HMGN1: variants seen among roughly 807,000 people sequenced by gnomAD.
HMGN1 encodes the protein high mobility group nucleosome binding domain 1.
Under a neutral mutation model 18.4 loss-of-function variants are expected in HMGN1, and 9 were observed. That is an observed-to-expected ratio of 0.49 (90% confidence interval 0.29 to 0.85). The LOEUF is 0.85. Among genes scored for constraint, HMGN1 ranks in the 40% least tolerant of loss-of-function variants. The pLI is 0.07. For missense variants in HMGN1, 151 were observed against 119.2 expected, an observed-to-expected ratio of 1.27 and a Z score of -1.24; for synonymous variants, 59 against 45.0, an observed-to-expected ratio of 1.31 and a Z score of -1.24.
intron 4 of HMGN1, chr21:39,345,878 G>C: frequency 7.7e-7 from 1 of 1,303,112 alleles, no homozygotes; most frequent in Non-Finnish European, 1.0e-6. Flanking sequence ...TCCTGCTACA[G>C]TTAATCCCTT....
Position 39,342,720 on chromosome 21 carries a change from A to G in HMGN1, c.*392T>C, listed in dbSNP as rs9977317. The G allele has an allele frequency of 0.1, 40,379 of 398,926 alleles. 2,342 individuals are homozygous for G. Among genetic ancestry groups the G allele is most frequent in the Non-Finnish European group, 0.12 (26,234 of 226,690 alleles). 24.7% of individuals were successfully genotyped at this position (398,926 alleles called of 1,614,324 possible). ...GGAAACAATTCTACTAAAAAACAAC[A>G]TGGTAATAGAAGTAATTTAAAATGT... On this transcript the variant is annotated 3_prime_UTR_variant, in exon 6 of 6. Coordinates refer to ENST00000380749, the MANE Select transcript of HMGN1 (RefSeq NM_004965.7).
chr21:39,344,460 A>G (rs1324040304), intron 5 of HMGN1: 2 of 152,278 alleles, frequency 1.3e-5, no homozygotes, highest in East Asian at 3.9e-4. Context: ...TAGCTTAGCT[A>G]ATATAACAAA....
chr21:39,347,502 A>C (rs747700003), intron 4 of HMGN1: 2 of 1,173,340 alleles, frequency 1.7e-6, no homozygotes, highest in Non-Finnish European at 2.3e-6. Flanking sequence ...AAAGAGGTGA[A>C]GGCATTAACA....
intron 4 of HMGN1, 177 bp from the exon 5 acceptor site, chr21:39,345,451 A>G (rs2037018490): frequency 4.7e-6 from 3 of 632,586 alleles, no homozygotes; most frequent in Non-Finnish European, 8.2e-6. Context: ...CAAGCTTATG[A>G]AAGGATCTCA....
rs1158185202 is a variant in HMGN1, at chr21:39,342,879, T to G, written c.*233A>C. 1 of 1,408,088 alleles carries G rather than the reference T, an allele frequency of 7.1e-7. No individual in the cohort carries two copies. Among genetic ancestry groups the G allele is most frequent in the Non-Finnish European group, 9.6e-7 (1 of 1,045,972 alleles). The allele number at this position is 1,408,088 out of a possible 1,614,324, so 87.2% of individuals were successfully genotyped here. A position where few individuals can be genotyped will look rare whatever the true frequency, so the allele number is the denominator to read the frequency against. ...ACAGTCAGAGCCTCCCATAATTCAA[T>G]ATCCCACACTATTTTCTGGTTGTAC... is the stretch of plus-strand genomic sequence containing the variant. On this transcript the variant is annotated 3_prime_UTR_variant, in exon 6 of 6. Transcript: ENST00000380749.
intron 4 of HMGN1, chr21:39,345,725 C>T (rs1216135418): frequency 7.1e-6 from 5 of 700,310 alleles, no homozygotes; most frequent in African/African-American, 1.8e-5. Context: ...AAGTTGAATA[C>T]CGGAGGAGTC....
intron 4 of HMGN1, chr21:39,347,911 C>T (rs997401016): frequency 1.0e-5 from 10 of 969,940 alleles, no homozygotes; most frequent in Non-Finnish European, 1.2e-5. Context: ...TATATAAAAA[C>T]TTACACGTTC....
chr21:39,345,196 C>G lies in HMGN1; in HGVS notation c.205G>C (p.Glu69Gln). Residue 69 changes from glutamate (E) to glutamine (Q), a missense_variant, in exon 5 of 6, where the codon GAA (glutamate) becomes CAA (glutamine). By Grantham distance (29) the Glu-to-Gln change is conservative. Coordinates refer to ENST00000380749, the MANE Select transcript of HMGN1 (RefSeq NM_004965.7). ...TCCGCAGGTAAGTCTTCTTTAGTTTCTTGGTTAGCCACTTCGGCCTGTTTT... is the reference window on the plus strand; with the variant it reads ...TCCGCAGGTAAGTCTTCTTTAGTTTGTTGGTTAGCCACTTCGGCCTGTTTT... ...KGKQAEVANQETKEDLPAENG... is the reference protein window; with the variant it reads ...KGKQAEVANQQTKEDLPAENG... The G allele has an allele frequency of 3.7e-6, 6 of 1,613,278 alleles. No individual in the cohort carries two copies. Among genetic ancestry groups the G allele is most frequent in the Non-Finnish European group, 5.1e-6 (6 of 1,179,878 alleles).
At chr21:39,347,536 T>C (rs1425936276) in intron 4 of HMGN1, 2 of 599,440 alleles carry the variant, frequency 3.3e-6, no homozygotes, top group Admixed American at 2.4e-5. Context: ...AGACTTCAAA[T>C]AGCAAACTCT....
At chr21:39,348,185 T>C in intron 4 of HMGN1, 107 bp downstream of exon 4, 1 of 1,386,332 alleles carries the variant, frequency 7.2e-7, no homozygotes. Context: ...ACCGTAATTA[T>C]TAAAGTATAA....
At position 39,345,138 on chromosome 21, in the gene HMGN1, C is replaced by CACACACA. The variant is rs10529119; in HGVS notation, c.255+7_255+8insTGTGTGT. 1 of 1,568,422 alleles carries CACACACA rather than the reference C, an allele frequency of 6.4e-7. No homozygotes were observed. The highest frequency in any genetic ancestry group is 1.4e-5 in the African/African-American group (1 of 72,354). On this transcript the variant is annotated splice_region_variant and intron_variant, in intron 5 of 5. Transcript: ENST00000380749. The stretch of plus-strand genomic sequence containing the variant: ...ACACACACACACACACACACACACA[C>CACACACA]TTCTGACCTCCTCAGTCTTCGTTTC...
rs1253480801 is a variant in HMGN1 at position 39,342,322 on chromosome 21, A to G, written c.*790T>C. On this transcript the variant is annotated 3_prime_UTR_variant, in exon 6 of 6. Coordinates refer to ENST00000380749, the MANE Select transcript of HMGN1 (RefSeq NM_004965.7). Reference sequence around the variant, plus strand: ...AATCCATGTGCTTCAAAATATTTTCATAACTGAGATTTTATTGGTTGAGGA... The same window carrying G: ...AATCCATGTGCTTCAAAATATTTTCGTAACTGAGATTTTATTGGTTGAGGA... 8.5e-6 allele frequency: 1 copy of G among 116,990 alleles called. No homozygotes were observed. The highest frequency in any genetic ancestry group is 1.9e-5 in the Non-Finnish European group (1 of 53,670). The allele number at this position is 116,990 out of a possible 1,614,324, so 7.2% of individuals were successfully genotyped here.
intron 4 of HMGN1, chr21:39,346,748 G>T (rs1343492361): frequency 6.6e-6 from 1 of 152,250 alleles, no homozygotes; most frequent in African/African-American, 2.4e-5. Context: ...TTCAAAGTCT[G>T]ATCAACCATG....
Position 39,349,054 on chromosome 21 carries a change from T to C in HMGN1, c.-137A>G. ...CCACTCCTCCCGCCGCCCGAGCTGC[T>C]GAGACCCACAGCGGGGGCGGTGGGA... On this transcript the variant is annotated 5_prime_UTR_variant, in exon 1 of 6. Transcript: ENST00000380749. 2.0e-6 allele frequency: 2 copies of C among 992,634 alleles called. No individual in the cohort carries two copies. Among genetic ancestry groups the C allele is most frequent in the Non-Finnish European group, 2.5e-6 (2 of 786,258 alleles). The allele number at this position is 992,634 out of a possible 1,614,324, so 61.5% of individuals were successfully genotyped here.
chr21:39,345,853 C>T (rs1283927342), intron 4 of HMGN1: 25 of 1,302,464 alleles, frequency 1.9e-5, no homozygotes, highest in African/African-American at 7.6e-5. Flanking sequence ...CCATGCCGTA[C>T]GGTCAGGTTG....
chr21:39,348,648 G>A, intron 1 of HMGN1, 71 bp from the exon 2 acceptor site: 4 of 1,493,658 alleles, frequency 2.7e-6, no homozygotes, highest in Non-Finnish European at 3.6e-6. Flanking sequence ...CCGGCCCCGA[G>A]AACAATGCCC....
In HMGN1 at chr21:39,342,794, T is replaced by C. The variant is rs1462347499; in HGVS notation, c.*318A>G. On this transcript the variant is annotated 3_prime_UTR_variant, in exon 6 of 6. Transcript: ENST00000380749. ...ACTCCATATTGCCATTTAATATGCT[T>C]TGTATTATAGGATATAAAAACTAAC... 2.3e-6 allele frequency: 3 copies of C among 1,315,600 alleles called. No homozygotes were observed. Among genetic ancestry groups the C allele is most frequent in the South Asian group, 1.2e-5 (1 of 80,020 alleles). The allele number at this position is 1,315,600 out of a possible 1,614,324, so 81.5% of individuals were successfully genotyped here.
At chr21:39,348,830 TGGGCCTCGC>T in intron 1 of HMGN1, 64 bp downstream of exon 1, 1 of 1,026,304 alleles carries the variant, frequency 9.7e-7, no homozygotes. Context: ...CAACGGGGCC[TGGGCCTCGC>T]GGGGCCCGGC....
Position 39,342,584 on chromosome 21 carries a change from C to A in HMGN1, c.*528G>T. On this transcript the variant is annotated 3_prime_UTR_variant, in exon 6 of 6. Transcript: ENST00000380749. ...TACACTACATGTTCAAATCTGTAAT[C>A]TTTCACAGCACAGTAACAAAGTTAT... The A allele has an allele frequency of 9.7e-6, 3 of 310,542 alleles. No homozygotes were observed. Among genetic ancestry groups the A allele is most frequent in the Admixed American group, 9.4e-5 (2 of 21,264 alleles). 19.2% of individuals were successfully genotyped at this position (310,542 alleles called of 1,614,324 possible). A position where few individuals can be genotyped will look rare whatever the true frequency, so the allele number is the denominator to read the frequency against.
Sources: gnomAD v4.1 joint callset for allele counts on GRCh38, gnomAD v4.1.1 for gene constraint, MANE v1.5 for transcripts, NCBI Gene and HGNC (gene_info 2026-07-23, HGNC 2026-07-21) for gene names.